The following NEDD9 variants were observed in gnomAD, a reference collection of about 807,000 sequenced individuals.
NEDD9 encodes enhancer of filamentation 1.
In NEDD9, 26 loss-of-function variants were observed where a neutral mutation model predicts 76.6. The observed-to-expected ratio is 0.34, with a 90% confidence interval of 0.25 to 0.47. The LOEUF (loss-of-function observed/expected upper bound fraction) is 0.47. NEDD9 is among the 20% of genes least tolerant of loss of function. The pLI is 1.00. For synonymous variants in NEDD9, 392 were observed against 414.2 expected, an observed-to-expected ratio of 0.95 and a Z score of 0.65; for missense variants, 937 against 1,058.5, an observed-to-expected ratio of 0.89 and a Z score of 1.59.
At chr6:11,218,928 C>A (rs1179762497) in intron 1 of NEDD9, among the ~76,000 whole-genome samples, 1 of 152,180 alleles carries the variant, frequency 6.6e-6, no homozygotes, top group Non-Finnish European at 1.5e-5. Flanking sequence ...ACAGGAAGGC[C>A]AAGAGGAACT....
chr6:11,320,903 T>TTGTG (rs2113470653), intron 2 of NEDD9, among the ~76,000 whole-genome samples: 1 of 152,118 alleles, frequency 6.6e-6, no homozygotes, highest in South Asian at 2.1e-4. Flanking sequence ...AATGGTTTAC[T>TTGTG]TGTGTGTATG....
intron 1 of NEDD9, among the ~76,000 whole-genome samples, chr6:11,362,288 G>A (rs1325858292): frequency 6.6e-6 from 1 of 152,178 alleles, no homozygotes; most frequent in East Asian, 1.9e-4. Flanking sequence ...AGAACTGTAA[G>A]AAATAAACAT....
At position 11,183,496 on chromosome 6, in the gene NEDD9, CGTT is replaced by C. The variant is rs1757904079; in HGVS notation, c.*1663_*1665del. On this transcript the variant is annotated 3_prime_UTR_variant, in exon 7 of 7. Coordinates refer to ENST00000379446, the MANE Select transcript of NEDD9 (RefSeq NM_006403.4). ...CAAAGACACACTTTTTAACTTCAAG[CGTT>C]GTTGATTTTCAGCAACCCTCTTCCC... The C allele has an allele frequency of 2.0e-5, 3 of 152,194 alleles. No homozygotes were observed. The South Asian group carries it at 6.2e-4, about 32-fold the overall frequency. 9.4% of individuals were successfully genotyped at this position (152,194 alleles called of 1,614,324 possible). A position where few individuals can be genotyped will look rare whatever the true frequency, so the allele number is the denominator to read the frequency against.
At chr6:11,223,647 C>T (rs1171540599) in intron 1 of NEDD9, among the ~76,000 whole-genome samples, 1 of 152,174 alleles carries the variant, frequency 6.6e-6, no homozygotes, top group Non-Finnish European at 1.5e-5. Context: ...AGGCAGGAGG[C>T]TTGATTCAGG....
At chr6:11,232,437 A>T in intron 1 of NEDD9, 67 bp downstream of exon 1, 1 of 1,596,660 alleles carries the variant, frequency 6.3e-7, no homozygotes, top group Non-Finnish European at 8.6e-7. Flanking sequence ...GAACACGCAT[A>T]CACAAGCACA....
intron 1 of NEDD9, among the ~76,000 whole-genome samples, chr6:11,377,312 A>C (rs925637544): frequency 3.3e-5 from 5 of 152,242 alleles, no homozygotes; most frequent in African/African-American, 1.2e-4. Context: ...TTTAACTGGA[A>C]AAGCAACAAG....
chr6:11,247,769 C>T (rs1423982570), intron 3 of NEDD9, among the ~76,000 whole-genome samples: 2 of 152,114 alleles, frequency 1.3e-5, no homozygotes, highest in African/African-American at 4.8e-5. Flanking sequence ...TGACTTCAGT[C>T]GCATGAACAC....
At chr6:11,368,409 G>A (rs1279227019) in intron 1 of NEDD9, among the ~76,000 whole-genome samples, 1 of 152,212 alleles carries the variant, frequency 6.6e-6, no homozygotes, top group Non-Finnish European at 1.5e-5. Context: ...GAGTCACACC[G>A]AAGTAACTAC....
At chr6:11,336,041 A>T (rs1030889925) in intron 1 of NEDD9, among the ~76,000 whole-genome samples, 24 of 152,164 alleles carry the variant, frequency 1.6e-4, no homozygotes, top group Non-Finnish European at 3.5e-4. Context: ...CGCTTGAGAC[A>T]CGACATGCCC....
At chr6:11,343,894 A>G (rs1762319165) in intron 1 of NEDD9, among the ~76,000 whole-genome samples, 2 of 152,228 alleles carry the variant, frequency 1.3e-5, no homozygotes. Context: ...TTGGCATGCT[A>G]TGTGAGGTGC....
intron 1 of NEDD9, among the ~76,000 whole-genome samples, chr6:11,365,394 C>T (rs991981617): frequency 6.6e-6 from 1 of 152,188 alleles, no homozygotes; most frequent in Non-Finnish European, 1.5e-5. Flanking sequence ...AAGCACAGTA[C>T]ATCTACGTGT....
At chr6:11,333,503 G>A (rs370742129) in intron 2 of NEDD9, among the ~76,000 whole-genome samples, 1 of 152,120 alleles carries the variant, frequency 6.6e-6, no homozygotes, top group Non-Finnish European at 1.5e-5. Context: ...TCCTCCTCTC[G>A]CTATGGAAAG....
chr6:11,378,948 G>A (rs1054399960), intron 1 of NEDD9, among the ~76,000 whole-genome samples: 1 of 152,198 alleles, frequency 6.6e-6, no homozygotes, highest in African/African-American at 2.4e-5. Context: ...AGCTTGTGTT[G>A]TACCCATTTT....
intron 3 of NEDD9, among the ~76,000 whole-genome samples, chr6:11,250,246 T>G (rs1482618008): frequency 2.6e-5 from 4 of 152,160 alleles, no homozygotes; most frequent in Admixed American, 2.6e-4. Flanking sequence ...TAAAATTTTG[T>G]GAGATGCTGG....
At chr6:11,214,685 G>C (rs1758894009) in intron 1 of NEDD9, among the ~76,000 whole-genome samples, 1 of 152,198 alleles carries the variant, frequency 6.6e-6, no homozygotes, top group Non-Finnish European at 1.5e-5. Context: ...TCATTTCTTG[G>C]CATTAGTAAA....
intron 1 of NEDD9, among the ~76,000 whole-genome samples, chr6:11,349,042 A>T (rs1314165957): frequency 6.6e-6 from 1 of 152,238 alleles, no homozygotes; most frequent in Non-Finnish European, 1.5e-5. Flanking sequence ...TCTGTCTAAT[A>T]TCCAGAACCC....
intron 1 of NEDD9, among the ~76,000 whole-genome samples, chr6:11,227,595 T>C (rs913754891): frequency 2.6e-5 from 4 of 152,184 alleles, no homozygotes; most frequent in Non-Finnish European, 5.9e-5. Context: ...CCCTCAAAAC[T>C]TCACAGACCC....
At chr6:11,325,560 A>G (rs772453653) in intron 2 of NEDD9, among the ~76,000 whole-genome samples, 4 of 152,212 alleles carry the variant, frequency 2.6e-5, no homozygotes, top group African/African-American at 7.2e-5. Context: ...GATTCATGCT[A>G]ACAATTTAAA....
rs1422300018 is a variant in NEDD9, at chr6:11,185,478, A to C, written c.2189T>G (p.Phe730Cys). 4 of 1,614,094 alleles carry C rather than the reference A, an allele frequency of 2.5e-6. No homozygotes were observed. The highest frequency in any genetic ancestry group is 3.4e-6 in the Non-Finnish European group (4 of 1,180,038). ...ISLLNAIDALFSCVSSAQPPR... is the reference protein window; with the variant it reads ...ISLLNAIDALCSCVSSAQPPR... ...GGGCTGGGCTGAGCTGACACAACTG[A>C]AGAGTGCGTCAATGGCGTTGAGAAG... is the stretch of plus-strand genomic sequence containing the variant. The change falls in exon 7 of 7, where the codon TTC becomes TGC. Residue 730 changes from phenylalanine (F) to cysteine (C), a missense_variant. Transcript: ENST00000379446.
Sources: gnomAD v4.1 joint callset for allele counts (sites outside exome capture counted in the v4.1 genomes callset) on GRCh38, gnomAD v4.1.1 for gene constraint, MANE v1.5 for transcripts, NCBI Gene and HGNC (gene_info 2026-07-23, HGNC 2026-07-21) for gene names.